ZBTB20: variants seen among roughly 807,000 people sequenced by gnomAD.
The protein encoded by ZBTB20 is zinc finger and BTB domain-containing protein 20.
A neutral mutation model predicts 56.9 loss-of-function variants in ZBTB20; 9 were observed. That is an observed-to-expected ratio of 0.16 (90% CI 0.10 to 0.28). The LOEUF (loss-of-function observed/expected upper bound fraction) is 0.28, where lower values mean the gene tolerates loss of function less well. Among genes scored for constraint, ZBTB20 ranks in the 10% least tolerant of loss-of-function variants. ZBTB20 has a pLI of 1.00. For missense variants in ZBTB20, 655 were observed against 1,003.0 expected (o/e 0.65, Z 4.69); for synonymous variants, 417 against 420.7 (o/e 0.99, Z 0.11).
At chr3:114,661,953 T>C (rs1371865969) in intron 6 of ZBTB20, among the ~76,000 whole-genome samples, 1 of 151,926 alleles carries the variant, frequency 6.6e-6, no homozygotes, top group Non-Finnish European at 1.5e-5. Context: ...GTGCACATTG[T>C]GCAGGTTAGT....
At chr3:114,492,691 T>C (rs9882726) in intron 7 of ZBTB20, among the ~76,000 whole-genome samples, 1 of 152,318 alleles carries the variant, frequency 6.6e-6, no homozygotes, top group African/African-American at 2.4e-5. Flanking sequence ...TGATATATAT[T>C]TTTAAATTTT....
intron 6 of ZBTB20, among the ~76,000 whole-genome samples, chr3:114,646,356 T>C (rs1213557231): frequency 2.0e-5 from 3 of 151,990 alleles, no homozygotes; most frequent in Admixed American, 2.0e-4. Flanking sequence ...TCTGTGTAGG[T>C]AGAGTTTGTA....
At chr3:114,750,118 A>C (rs1456292030) in intron 5 of ZBTB20, among the ~76,000 whole-genome samples, 2 of 152,228 alleles carry the variant, frequency 1.3e-5, no homozygotes, top group African/African-American at 4.8e-5. Flanking sequence ...AAGAGAGTTT[A>C]GTGGGTTCAT....
chr3:115,109,875 G>C (rs1016290996), intron 1 of ZBTB20, among the ~76,000 whole-genome samples: 2 of 152,144 alleles, frequency 1.3e-5, no homozygotes, highest in African/African-American at 4.8e-5. Flanking sequence ...GCTTTCAAAA[G>C]CGATGAAAGA....
intron 7 of ZBTB20, among the ~76,000 whole-genome samples, chr3:114,484,540 G>C (rs1201198136): frequency 6.6e-6 from 1 of 152,166 alleles, no homozygotes; most frequent in Non-Finnish European, 1.5e-5. Context: ...CAATGATGCA[G>C]CTTTCTTAAT....
intron 5 of ZBTB20, among the ~76,000 whole-genome samples, chr3:114,795,797 T>A (rs2071301659): frequency 6.6e-6 from 1 of 152,094 alleles, no homozygotes; most frequent in Admixed American, 6.6e-5. Flanking sequence ...ATGATGAAGG[T>A]CTAAGGGATC....
intron 6 of ZBTB20, among the ~76,000 whole-genome samples, chr3:114,664,596 A>C (rs1044556282): frequency 7.3e-6 from 1 of 136,240 alleles, no homozygotes; most frequent in Admixed American, 8.0e-5. Context: ...TTATTTGCCC[A>C]CCTCCCCAAC....
intron 5 of ZBTB20, among the ~76,000 whole-genome samples, chr3:114,781,398 C>T (rs992072560): frequency 6.6e-6 from 1 of 152,150 alleles, no homozygotes; most frequent in African/African-American, 2.4e-5. Context: ...GCCTGTTAAA[C>T]ATTTTGCAGG....
At chr3:114,885,294 A>C (rs577847400) in intron 4 of ZBTB20, among the ~76,000 whole-genome samples, 15 of 152,308 alleles carry the variant, frequency 9.8e-5, no homozygotes, top group African/African-American at 3.6e-4. Context: ...TGTACACAAG[A>C]TCTTCCCTTG....
chr3:114,683,659 C>T (rs1431061427), intron 6 of ZBTB20, among the ~76,000 whole-genome samples: 3 of 152,036 alleles, frequency 2.0e-5, no homozygotes, highest in Non-Finnish European at 4.4e-5. Context: ...TCTATTCCTC[C>T]TTTAGTTGAG....
intron 8 of ZBTB20, chr3:114,388,528 A>C (rs2085426605): frequency 6.6e-6 from 1 of 152,540 alleles, no homozygotes; most frequent in Non-Finnish European, 1.5e-5. Context: ...CCAGAGCTCC[A>C]AGGGAAGGGC....
At chr3:114,815,357 T>C (rs1318169214) in intron 4 of ZBTB20, among the ~76,000 whole-genome samples, 3 of 152,086 alleles carry the variant, frequency 2.0e-5, no homozygotes, top group South Asian at 2.1e-4. Flanking sequence ...ACTGAAAATA[T>C]AGAAAATATG....
Position 114,933,551 on chromosome 3 carries a change from A to G in ZBTB20, c.-455-33209T>C, listed in dbSNP as rs189596149. On this transcript the variant is annotated intron_variant, in intron 3 of 11. Transcript: ENST00000675478. ...AAAAAATGCCTTCAGGCAGACAGTC[A>G]CAGTATCAGGAATAAGCAGTCTTCT... 1.1e-3 allele frequency among the ~76,000 whole-genome samples: 163 copies of G among 152,316 alleles called. 1 individual carries two copies. Among genetic ancestry groups the G allele is most frequent in the Non-Finnish European group, 7.2e-4 (49 of 68,022 alleles).
At chr3:115,116,073 C>CT (rs1343744908) in intron 1 of ZBTB20, among the ~76,000 whole-genome samples, 1 of 151,898 alleles carries the variant, frequency 6.6e-6, no homozygotes, top group Non-Finnish European at 1.5e-5. Context: ...CTTTTCTATG[C>CT]TTTTTTTCAG....
intron 5 of ZBTB20, among the ~76,000 whole-genome samples, chr3:114,792,779 G>C (rs1428992192): frequency 1.3e-5 from 2 of 152,100 alleles, no homozygotes; most frequent in Non-Finnish European, 2.9e-5. Context: ...GTTTTACCAA[G>C]GGATTCACTT....
rs533256559 is a variant in ZBTB20, at chr3:114,593,281, C to T, written c.-294-92890G>A. 4.0e-5 allele frequency among the ~76,000 whole-genome samples: 6 copies of T among 151,590 alleles called. No individual in the cohort carries two copies. In the East Asian group the frequency reaches 9.7e-4, roughly 25 times the overall value. On this transcript the variant is annotated intron_variant, in intron 6 of 11. Coordinates refer to ENST00000675478, the MANE Select transcript of ZBTB20 (RefSeq NM_001348800.3). ...TTGGCAAGTAGATTTTTCAATAAGG[C>T]GGGGTGGGAATCACTATAAATTCAT...
At chr3:115,002,311 T>G (rs2079285958) in intron 2 of ZBTB20, among the ~76,000 whole-genome samples, 1 of 151,606 alleles carries the variant, frequency 6.6e-6, no homozygotes, top group Admixed American at 6.6e-5. Context: ...GATCTTGGGT[T>G]TGGCAATAAG....
chr3:115,047,022 T>C (rs907766375), intron 2 of ZBTB20, among the ~76,000 whole-genome samples: 1 of 152,206 alleles, frequency 6.6e-6, no homozygotes, highest in Non-Finnish European at 1.5e-5. Context: ...TACAGTAATA[T>C]GTTGATATAA....
At chr3:114,918,391 G>C (rs1234482372) in intron 3 of ZBTB20, among the ~76,000 whole-genome samples, 1 of 151,996 alleles carries the variant, frequency 6.6e-6, no homozygotes, top group African/African-American at 2.4e-5. Flanking sequence ...GCAAGACAAA[G>C]TCCCCTTTTC....
Sources: allele counts gnomAD v4.1 joint callset (sites outside exome capture counted in the v4.1 genomes callset), GRCh38; gene constraint gnomAD v4.1.1; transcripts MANE v1.5; gene names NCBI Gene and HGNC (gene_info 2026-07-23, HGNC 2026-07-21).